The following CEP95 variants were observed in gnomAD, a reference collection of about 807,000 sequenced individuals.
The protein encoded by CEP95 is centrosomal protein 95, also known as centrosomal protein of 95 kDa.
Under a neutral mutation model 111.2 loss-of-function variants are expected in CEP95, and 98 were observed. The observed-to-expected ratio is 0.88, with a 90% confidence interval of 0.75 to 1.04. CEP95 has a LOEUF of 1.04. Ranked by LOEUF, CEP95 falls within the 50% of genes least tolerant of loss-of-function variation. The pLI, the probability that CEP95 is intolerant of heterozygous loss-of-function variation, is 0.00. For missense variants in CEP95, 1,027 were observed against 977.2 expected, an observed-to-expected ratio of 1.05 and a Z score of -0.68; for synonymous variants, 323 against 327.1, an observed-to-expected ratio of 0.99 and a Z score of 0.14.
Position 64,529,446 on chromosome 17 carries a change from A to T in CEP95, c.1446+19A>T. 2 of 1,612,458 alleles carry T rather than the reference A, an allele frequency of 1.2e-6. No homozygotes were observed. The highest frequency in any genetic ancestry group is 8.5e-7 in the Non-Finnish European group (1 of 1,179,044). ...AGCACAGGTTCTTCCCCATCTCTTG[A>T]CTACCATTAAGCAGCAGCCAGTACC... is the stretch of plus-strand genomic sequence containing the variant. On this transcript the variant is annotated intron_variant, in intron 12 of 19. Coordinates refer to ENST00000556440, the MANE Select transcript of CEP95 (RefSeq NM_138363.3).
chr17:64,515,153 T>G (rs1555676059), intron 4 of CEP95, among the ~76,000 whole-genome samples: 2 of 152,200 alleles, frequency 1.3e-5, no homozygotes, highest in East Asian at 3.9e-4. Context: ...TTTCTTTGTT[T>G]CAAAAATTGA....
At chr17:64,522,079 A>G (rs1967386913) in intron 7 of CEP95, among the ~76,000 whole-genome samples, 1 of 151,888 alleles carries the variant, frequency 6.6e-6, no homozygotes, top group Admixed American at 6.6e-5. Flanking sequence ...TCTCGAACTC[A>G]TGACCTCGTG....
intron 1 of CEP95, 86 bp downstream of exon 1, chr17:64,507,202 G>T: frequency 3.9e-6 from 6 of 1,536,858 alleles, no homozygotes; most frequent in Non-Finnish European, 5.3e-6. Flanking sequence ...ACTGGGTCTG[G>T]GCTGTCGGCG....
rs782289687 is a variant in CEP95, at chr17:64,527,272, C to A, written c.1306+8C>A. ...CAAAGAAGTCAAGGCCAGGTACTTACCCCAGAGAGACTGAGAAGGGGGACA... is the reference window on the plus strand; with the variant it reads ...CAAAGAAGTCAAGGCCAGGTACTTAACCCAGAGAGACTGAGAAGGGGGACA... On this transcript the variant is annotated splice_region_variant and intron_variant, in intron 11 of 19. Transcript: ENST00000556440. The A allele has an allele frequency of 7.2e-5, 114 of 1,594,364 alleles. 2 individuals are homozygous for A. Among genetic ancestry groups the A allele is most frequent in the South Asian group, 5.6e-4 (49 of 87,354 alleles).
At chr17:64,534,530 A>T (rs1968513785) in intron 16 of CEP95, 55 bp from the exon 17 acceptor site, 2 of 1,505,110 alleles carry the variant, frequency 1.3e-6, no homozygotes, top group South Asian at 1.2e-5. Flanking sequence ...AGAACGCTGG[A>T]ATCTGCATTC....
chr17:64,507,549 T>C (rs1598165147), intron 1 of CEP95: 4 of 1,066,830 alleles, frequency 3.7e-6, no homozygotes, highest in African/African-American at 3.4e-5. Flanking sequence ...TAGTAGAATA[T>C]GCCCCTGTAG....
At position 64,526,132 on chromosome 17, in the gene CEP95, A is replaced by T. The variant is rs782072764; in HGVS notation, c.1084A>T (p.Arg362Ter). The T allele has an allele frequency of 9.9e-6, 16 of 1,613,740 alleles. No homozygotes were observed. In the South Asian group the frequency reaches 1.8e-4, roughly 18 times the overall value. The change falls in exon 10 of 20, where the codon AGA becomes TGA. Residue 362 changes from arginine to a stop codon, truncating the protein, a stop_gained. Transcript: ENST00000556440. LOFTEE classifies it high-confidence loss of function. ...NSPFPQRPRK[R>*]LTEQELHDVS... ...ACCTTTCCCCCAGAGGCCAAGAAAG[A>T]GATTAACAGAACAAGAATTACATGA... is the stretch of plus-strand genomic sequence containing the variant.
chr17:64,513,509 G>A (rs1280638547), intron 3 of CEP95, among the ~76,000 whole-genome samples: 1 of 152,148 alleles, frequency 6.6e-6, no homozygotes, highest in Non-Finnish European at 1.5e-5. Flanking sequence ...TACTGTGCTA[G>A]GGACTGTGCT....
In CEP95 at chr17:64,526,124, CAAGA is replaced by C. The variant is rs782314597; in HGVS notation, c.1081_1084del (p.Lys361AspfsTer2). 1 of 1,613,560 alleles carries C rather than the reference CAAGA, an allele frequency of 6.2e-7. No homozygotes were observed. Among genetic ancestry groups the C allele is most frequent in the South Asian group, 1.1e-5 (1 of 91,028 alleles). On this transcript the variant is annotated frameshift_variant, in exon 10 of 20. Coordinates refer to ENST00000556440, the MANE Select transcript of CEP95 (RefSeq NM_138363.3). LOFTEE classifies it high-confidence loss of function. Reference sequence around the variant, plus strand: ...TGCAATTCACCTTTCCCCCAGAGGCCAAGAAAGAGATTAACAGAACAAGAATTAC... The same window carrying C: ...TGCAATTCACCTTTCCCCCAGAGGCCAAGAGATTAACAGAACAAGAATTAC...
At chr17:64,533,258 A>C (rs1555680835) in intron 16 of CEP95, 67 bp downstream of exon 16, 1 of 1,361,528 alleles carries the variant, frequency 7.3e-7, no homozygotes, top group African/African-American at 1.5e-5. Context: ...TATCTGTGCT[A>C]GCTGGGCAAC....
chr17:64,527,852 A>ATGTG (rs377056119), intron 11 of CEP95, among the ~76,000 whole-genome samples: 11 of 133,238 alleles, frequency 8.3e-5, no homozygotes, highest in South Asian at 2.4e-4. Flanking sequence ...GTGCCACTTA[A>ATGTG]TGTGTGTGTG....
intron 8 of CEP95, among the ~76,000 whole-genome samples, chr17:64,525,318 T>G (rs1459756816): frequency 1.3e-5 from 2 of 151,702 alleles, no homozygotes; most frequent in Non-Finnish European, 2.9e-5. Flanking sequence ...AGAGGAAAAC[T>G]GTCTCAAAAA....
chr17:64,512,522 C>T (rs2038950774), intron 3 of CEP95, among the ~76,000 whole-genome samples: 1 of 151,844 alleles, frequency 6.6e-6, no homozygotes, highest in Non-Finnish European at 1.5e-5. Context: ...ATGATTATTC[C>T]AGTAAGTTAT....
chr17:64,511,579 G>A (rs907545741), intron 3 of CEP95, among the ~76,000 whole-genome samples: 30 of 152,172 alleles, frequency 2.0e-4, no homozygotes, highest in South Asian at 1.2e-3. Context: ...TTTTCAAGGT[G>A]CCCAGATTTC....
chr17:64,513,842 A>G (rs16947838), intron 3 of CEP95, among the ~76,000 whole-genome samples: 7,557 of 152,248 alleles, frequency 0.05, 297 homozygotes, highest in Admixed American at 0.13. Context: ...GGATACCACA[A>G]TCTGAAAGTG....
At position 64,528,963 on chromosome 17, in the gene CEP95, G is replaced by A. The variant is rs114287926; in HGVS notation, c.1307-325G>A. 8.1e-3 allele frequency among the ~76,000 whole-genome samples: 1,228 copies of A among 152,300 alleles called. 18 individuals carry two copies. Among genetic ancestry groups the A allele is most frequent in the African/African-American group, 0.028 (1,156 of 41,560 alleles). On this transcript the variant is annotated intron_variant, in intron 11 of 19. Coordinates refer to ENST00000556440, the MANE Select transcript of CEP95 (RefSeq NM_138363.3). ...AGATAGGTAAAAGGATAGCAGATGC[G>A]TGGCTCAGATAATTTACCTTTTCTC...
In CEP95 at chr17:64,526,170, ACTCT is replaced by A. The variant is rs781990854; in HGVS notation, c.1126_1129del (p.Gln377GlyfsTer5). 4 of 1,609,810 alleles carry A rather than the reference ACTCT, an allele frequency of 2.5e-6. No individual in the cohort carries two copies. Among genetic ancestry groups the A allele is most frequent in the Non-Finnish European group, 1.7e-6 (2 of 1,178,490 alleles). ...AAGAATTACATGATGTATCAGAAAA[ACTCT>A]CTCAGCGGCTTTCTGAACTAGATTG... On this transcript the variant is annotated frameshift_variant, in exon 10 of 20. Transcript: ENST00000556440. LOFTEE classifies it high-confidence loss of function.
rs1299815442 is a variant in CEP95 at position 64,521,504 on chromosome 17, G to A, written c.692G>A (p.Ser231Asn). Residue 231 changes from serine (S) to asparagine (N), a missense_variant, in exon 7 of 20, where the codon AGT (serine) becomes AAT (asparagine). By Grantham distance (46) the Ser-to-Asn change is conservative. Coordinates refer to ENST00000556440, the MANE Select transcript of CEP95 (RefSeq NM_138363.3). Reference sequence around the variant, plus strand: ...TACCCTCCTAGTGTTTTGTCCAAGAGTAGGACATCCTTTGTTGAAGACAGT... The same window carrying A: ...TACCCTCCTAGTGTTTTGTCCAAGAATAGGACATCCTTTGTTGAAGACAGT... ...MLYPPSVLSKSRTSFVEDTET... is the reference protein window; with the variant it reads ...MLYPPSVLSKNRTSFVEDTET... 6.2e-7 allele frequency: 1 copy of A among 1,611,726 alleles called. No homozygotes were observed. Among genetic ancestry groups the A allele is most frequent in the African/African-American group, 1.3e-5 (1 of 74,892 alleles).
intron 10 of CEP95, among the ~76,000 whole-genome samples, chr17:64,526,446 A>G (rs1555679156): frequency 6.6e-6 from 1 of 152,240 alleles, no homozygotes; most frequent in East Asian, 1.9e-4. Flanking sequence ...CATTTAACAT[A>G]AACGATTATG....
Sources: gnomAD v4.1 joint callset for allele counts (sites outside exome capture counted in the v4.1 genomes callset) on GRCh38, gnomAD v4.1.1 for gene constraint, MANE v1.5 for transcripts, NCBI Gene and HGNC (gene_info 2026-07-23, HGNC 2026-07-21) for gene names.